CCDC171: variants seen among roughly 807,000 people sequenced by gnomAD.
CCDC171 encodes the protein coiled-coil domain-containing protein 171.
In CCDC171, 177 loss-of-function variants were observed where a neutral mutation model predicts 168.2. The ratio of observed to expected loss-of-function variants is 1.05; its 90% CI spans 0.93 to 1.19. The LOEUF (loss-of-function observed/expected upper bound fraction) is 1.19. Among genes scored for constraint, CCDC171 ranks in the 50% most tolerant of loss-of-function variants. The probability of loss-of-function intolerance (pLI) is 0.00; values close to 1 mark genes in which losing one functional copy is unlikely to be tolerated. For missense variants in CCDC171, 1,991 were observed against 1,539.0 expected (o/e 1.29, Z -4.91); for synonymous variants, 687 against 540.8 (o/e 1.27, Z -3.75).
chr9:16,037,263 A>G (rs1833488659), intron 8 of CCDC171, among the ~76,000 whole-genome samples: 1 of 152,238 alleles, frequency 6.6e-6, no homozygotes, highest in Non-Finnish European at 1.5e-5. Context: ...CCCAATAAAT[A>G]TGTACAATTA....
the CCDC171 span, among the ~76,000 whole-genome samples, chr9:16,083,927 G>A: frequency 3.9e-5 from 6 of 152,162 alleles, no homozygotes; most frequent in African/African-American, 1.4e-4. Flanking sequence ...ATCTCACCAT[G>A]TTTTCTTGTT....
intron 7 of CCDC171, 50 bp downstream of exon 7, chr9:15,623,463 A>ACGCGCGCGCGCGCG (rs144676393): frequency 0.01 from 6,627 of 633,608 alleles, 502 homozygotes; most frequent in Admixed American, 0.044. Flanking sequence ...ACTTTCACAT[A>ACGCGCGCGCGCGCG]TGCGCGCGCG....
Position 15,726,083 on chromosome 9 carries a change from T to C in CCDC171, c.1692+1107T>C, listed in dbSNP as rs529252861. Among the ~76,000 whole-genome samples, 7 of 152,286 alleles carry C rather than the reference T, an allele frequency of 4.6e-5. No homozygotes were observed. In the East Asian group the frequency reaches 1.2e-3, roughly 25 times the overall value. ...ATTGAGTTCATTACTCCAACAAATA[T>C]GAACATGAATGCCAAGAGAGTAAAA... On this transcript the variant is annotated intron_variant, in intron 14 of 25. Transcript: ENST00000380701.
chr9:15,675,268 C>G (rs1321865433), intron 9 of CCDC171, among the ~76,000 whole-genome samples: 1 of 131,240 alleles, frequency 7.6e-6, no homozygotes, highest in Non-Finnish European at 1.5e-5. Flanking sequence ...CTGTGTGTCT[C>G]TGCACGTGAG....
chr9:15,894,466 A>T (rs928578557), intron 24 of CCDC171, among the ~76,000 whole-genome samples: 5 of 152,018 alleles, frequency 3.3e-5, no homozygotes, highest in Admixed American at 3.3e-4. Context: ...CATTTTTGCC[A>T]TTCCTCCCTT....
chr9:15,626,559 C>A (rs2045134342), intron 7 of CCDC171, among the ~76,000 whole-genome samples: 1 of 152,164 alleles, frequency 6.6e-6, no homozygotes, highest in Non-Finnish European at 1.5e-5. Context: ...TTTTCTGCAT[C>A]TGTTGAGATA....
chr9:15,555,128 C>T (rs1021132050), intron 1 of CCDC171, among the ~76,000 whole-genome samples: 1 of 152,140 alleles, frequency 6.6e-6, no homozygotes, highest in African/African-American at 2.4e-5. Flanking sequence ...CTGGCACCTC[C>T]TCTCAGGATG....
At chr9:15,578,708 T>C in intron 3 of CCDC171, 141 bp from the exon 4 acceptor site, 1 of 488,886 alleles carries the variant, frequency 2.0e-6, no homozygotes, top group Non-Finnish European at 3.4e-6. Flanking sequence ...GTGCTTTCTT[T>C]CCAGTGATTC....
intron 7 of CCDC171, among the ~76,000 whole-genome samples, chr9:15,654,765 C>T (rs1342626389): frequency 1.3e-5 from 2 of 152,122 alleles, no homozygotes; most frequent in Admixed American, 1.3e-4. Flanking sequence ...AACTCAGGTA[C>T]TGGGTTCATC....
intron 25 of CCDC171, among the ~76,000 whole-genome samples, chr9:15,933,138 A>G (rs1266796784): frequency 2.6e-5 from 4 of 151,912 alleles, no homozygotes; most frequent in East Asian, 1.9e-4. Context: ...CTCCTTTTCA[A>G]TTTGCTGGAA....
chr9:15,857,752 G>A (rs532746431), intron 23 of CCDC171, among the ~76,000 whole-genome samples: 37 of 151,674 alleles, frequency 2.4e-4, no homozygotes, highest in African/African-American at 8.0e-4. Flanking sequence ...AGTGATATCT[G>A]GTTTTCCCAA....
intron 8 of CCDC171, among the ~76,000 whole-genome samples, chr9:15,661,943 G>C (rs180773260): frequency 6.6e-6 from 1 of 152,176 alleles, no homozygotes; most frequent in African/African-American, 2.4e-5. Context: ...TTTAAATCGA[G>C]TTGTATCTAC....
chr9:15,556,679 A>G (rs1201715577), intron 1 of CCDC171, among the ~76,000 whole-genome samples: 1 of 151,898 alleles, frequency 6.6e-6, no homozygotes, highest in African/African-American at 2.4e-5. Flanking sequence ...ATTTTCTCCC[A>G]TTCTGTAGGT....
At chr9:15,936,031 G>T (rs1447078308) in intron 25 of CCDC171, among the ~76,000 whole-genome samples, 1 of 151,992 alleles carries the variant, frequency 6.6e-6, no homozygotes, top group Non-Finnish European at 1.5e-5. Context: ...CATCAACATA[G>T]TTACTTGATA....
upstream of CCDC171, among the ~76,000 whole-genome samples, chr9:16,040,397 G>A (rs1833553922): frequency 6.6e-6 from 1 of 152,210 alleles, no homozygotes; most frequent in Admixed American, 6.5e-5. Context: ...GGATTAATGA[G>A]CCCTCAGAGT....
At chr9:15,669,545 G>T (rs1168878981) in intron 9 of CCDC171, among the ~76,000 whole-genome samples, 1 of 151,896 alleles carries the variant, frequency 6.6e-6, no homozygotes. Context: ...TTGCCCTGTT[G>T]TGCCACCAAA....
intron 3 of CCDC171, among the ~76,000 whole-genome samples, chr9:15,991,923 T>A (rs2987030): frequency 0.37 from 56,721 of 152,024 alleles, 10,869 homozygotes; most frequent in Non-Finnish European, 0.43. Flanking sequence ...GCTCTGAAAT[T>A]GAGGCAATAA....
At chr9:15,583,356 G>A (rs138884921) in intron 4 of CCDC171, among the ~76,000 whole-genome samples, 1 of 146,248 alleles carries the variant, frequency 6.8e-6, no homozygotes, top group Non-Finnish European at 1.5e-5. Flanking sequence ...AGGTTGCAGT[G>A]AGCCAAGATC....
At chr9:16,104,660 CCATCCATCCATT>C in the CCDC171 span, among the ~76,000 whole-genome samples, 1 of 152,110 alleles carries the variant, frequency 6.6e-6, no homozygotes, top group African/African-American at 2.4e-5. Flanking sequence ...CCATCATCAT[CCATCCATCCATT>C]CATCCACCCA....
Sources: gnomAD v4.1 joint callset for allele counts (sites outside exome capture counted in the v4.1 genomes callset) on GRCh38, gnomAD v4.1.1 for gene constraint, MANE v1.5 for transcripts, NCBI Gene and HGNC (gene_info 2026-07-23, HGNC 2026-07-21) for gene names.